The following RANBP2 variants were observed in gnomAD, a reference collection of about 807,000 sequenced individuals.
RANBP2 encodes the protein RAN binding protein 2, also known as E3 SUMO-protein ligase RanBP2.
Under a neutral mutation model 303.6 loss-of-function variants are expected in RANBP2, and 57 were observed. That is an observed-to-expected ratio of 0.19 (90% CI 0.15 to 0.23). RANBP2 has a LOEUF of 0.23. Ranked by LOEUF, RANBP2 falls within the 10% of genes least tolerant of loss-of-function variation. The pLI is 1.00. For synonymous variants in RANBP2, 1,167 were observed against 1,301.5 expected (o/e 0.90, Z 2.23); for missense variants, 3,138 against 3,780.8 (o/e 0.83, Z 4.46).
chr2:109,392,677 C>G, the RANBP2 span, among the ~76,000 whole-genome samples: 1 of 152,102 alleles, frequency 6.6e-6, no homozygotes, highest in Non-Finnish European at 1.5e-5. Flanking sequence ...TGCCACCACG[C>G]CCGGCTAATT....
the RANBP2 span, among the ~76,000 whole-genome samples, chr2:108,840,216 A>G: frequency 4.6e-5 from 7 of 152,048 alleles, no homozygotes; most frequent in South Asian, 6.2e-4. Context: ...AATTCTTTTT[A>G]TATGTTTTTA....
At chr2:109,256,587 A>C in the RANBP2 span, among the ~76,000 whole-genome samples, 2 of 152,166 alleles carry the variant, frequency 1.3e-5, no homozygotes, top group East Asian at 3.9e-4. Context: ...TGCTAGGTGC[A>C]CTGGCCTGAG....
the RANBP2 span, among the ~76,000 whole-genome samples, chr2:108,820,244 C>G: frequency 6.6e-6 from 1 of 151,816 alleles, no homozygotes; most frequent in South Asian, 2.1e-4. Flanking sequence ...CCCGTGCCTA[C>G]AAAAAGTTCT....
chr2:108,746,422 C>A (rs1696527244), intron 7 of RANBP2, among the ~76,000 whole-genome samples: 1 of 148,208 alleles, frequency 6.7e-6, no homozygotes. Context: ...TGGGTTTCAC[C>A]ATGTTGGCCA....
At chr2:109,565,712 T>G in the RANBP2 span, 1 of 1,448,234 alleles carries the variant, frequency 6.9e-7, no homozygotes, top group Non-Finnish European at 9.7e-7. Flanking sequence ...ACAGGTAGCT[T>G]TGAGATTACT....
chr2:109,144,745 A>G, the RANBP2 span, among the ~76,000 whole-genome samples: 1 of 152,224 alleles, frequency 6.6e-6, no homozygotes, highest in African/African-American at 2.4e-5. Context: ...CATGCCTGGC[A>G]GGGGCCACCT....
the RANBP2 span, among the ~76,000 whole-genome samples, chr2:109,468,739 A>G: frequency 6.6e-6 from 1 of 151,598 alleles, no homozygotes; most frequent in South Asian, 2.1e-4. Flanking sequence ...CTGTAATCCC[A>G]GCTACTCAGG....
At chr2:109,578,703 G>T in the RANBP2 span, among the ~76,000 whole-genome samples, 188 of 152,030 alleles carry the variant, frequency 1.2e-3, 4 homozygotes, top group East Asian at 0.034. Flanking sequence ...GGAGGCGGTG[G>T]TTACAGTGAA....
At chr2:109,280,015 G>A in the RANBP2 span, among the ~76,000 whole-genome samples, 112 of 152,306 alleles carry the variant, frequency 7.4e-4, no homozygotes, top group Non-Finnish European at 9.3e-4. Context: ...GCCCCAGGGT[G>A]GGAGTAGAGG....
the RANBP2 span, among the ~76,000 whole-genome samples, chr2:109,440,818 C>G: frequency 6.6e-6 from 1 of 152,226 alleles, no homozygotes; most frequent in East Asian, 1.9e-4. Context: ...CTTCAGGTGA[C>G]AACTCATCTG....
the RANBP2 span, among the ~76,000 whole-genome samples, chr2:109,314,207 C>T: frequency 1.3e-5 from 2 of 152,170 alleles, no homozygotes; most frequent in South Asian, 2.1e-4. Context: ...GATGGGGGCA[C>T]CAGAACCATG....
At chr2:109,655,327 G>C in the RANBP2 span, among the ~76,000 whole-genome samples, 2 of 152,332 alleles carry the variant, frequency 1.3e-5, no homozygotes, top group East Asian at 3.9e-4. Context: ...CAGTCGATAG[G>C]TGACTGGCCT....
the RANBP2 span, among the ~76,000 whole-genome samples, chr2:109,678,510 GCTGATGTTTTT>G: frequency 4.4e-4 from 67 of 152,356 alleles, 1 homozygote; most frequent in Admixed American, 4.0e-3. Context: ...TCTCAATGTG[GCTGATGTTTTT>G]CTAACCAGCT....
the RANBP2 span, among the ~76,000 whole-genome samples, chr2:108,960,602 A>T: frequency 6.6e-6 from 1 of 151,966 alleles, no homozygotes; most frequent in African/African-American, 2.4e-5. Flanking sequence ...AGGTTTTTAC[A>T]TTTTTTTTCA....
chr2:108,779,390 C>G (rs1678089628), intron 25 of RANBP2, among the ~76,000 whole-genome samples: 1 of 152,092 alleles, frequency 6.6e-6, no homozygotes, highest in South Asian at 2.1e-4. Context: ...GTCTCGAACT[C>G]CTGACCTCAA....
At chr2:109,330,551 G>A in the RANBP2 span, among the ~76,000 whole-genome samples, 5 of 152,258 alleles carry the variant, frequency 3.3e-5, no homozygotes, top group Middle Eastern at 6.8e-3. Flanking sequence ...ACACAGGCCT[G>A]GCACAGACAA....
chr2:108,970,159 C>T, the RANBP2 span, among the ~76,000 whole-genome samples: 1 of 152,156 alleles, frequency 6.6e-6, no homozygotes, highest in African/African-American at 2.4e-5. Flanking sequence ...AGGGGAGCAT[C>T]GCCTGGGAGC....
chr2:108,779,982 GTTTACAAAA>G (rs1036519538), intron 25 of RANBP2, among the ~76,000 whole-genome samples: 3 of 152,098 alleles, frequency 2.0e-5, no homozygotes, highest in African/African-American at 7.2e-5. Flanking sequence ...GCTGAGCTAA[GTTTACAAAA>G]TTTCAAGGTG....
chr2:108,930,243 C>G, the RANBP2 span: 1 of 1,614,102 alleles, frequency 6.2e-7, no homozygotes, highest in Non-Finnish European at 8.5e-7. Flanking sequence ...TCAGAGACAC[C>G]TGCCAACAAA....
Sources: allele counts gnomAD v4.1 joint callset (sites outside exome capture counted in the v4.1 genomes callset), GRCh38; gene constraint gnomAD v4.1.1; transcripts MANE v1.5; gene names NCBI Gene and HGNC (gene_info 2026-07-23, HGNC 2026-07-21).